ATF7: variants seen among roughly 807,000 people sequenced by gnomAD.
The protein encoded by ATF7 is activating transcription factor 7, also known as cyclic AMP-dependent transcription factor ATF-7.
ATF7 carries 10 observed loss-of-function variants against 50.4 expected under a neutral mutation model. The ratio of observed to expected loss-of-function variants is 0.20; its 90% CI spans 0.12 to 0.34. The LOEUF (loss-of-function observed/expected upper bound fraction) is 0.34, where lower values mean the gene tolerates loss of function less well. ATF7 is among the 10% of genes least tolerant of loss of function. The pLI, the probability that ATF7 is intolerant of heterozygous loss-of-function variation, is 1.00. For missense variants in ATF7, 465 were observed against 613.9 expected (o/e 0.76, Z 2.56); for synonymous variants, 201 against 226.4 (o/e 0.89, Z 1.01).
chr12:53,593,225 C>G (rs1446337031), intron 2 of ATF7, among the ~76,000 whole-genome samples: 1 of 152,094 alleles, frequency 6.6e-6, no homozygotes. Context: ...GGCAGCACAG[C>G]AAGACCCTGT....
At chr12:53,600,827 A>T in intron 2 of ATF7, 126 bp downstream of exon 2, 1 of 903,924 alleles carries the variant, frequency 1.1e-6, no homozygotes, top group Non-Finnish European at 1.7e-6. Flanking sequence ...ACACACTGCA[A>T]ATCCTCTGAT....
chr12:53,608,382 TA>T (rs1360510261), intron 1 of ATF7, among the ~76,000 whole-genome samples: 2 of 152,020 alleles, frequency 1.3e-5, no homozygotes, highest in African/African-American at 4.8e-5. Flanking sequence ...AAAAGGACCA[TA>T]AAAAATTCTA....
Position 53,552,565 on chromosome 12 carries a change from G to A in ATF7, c.121C>T (p.Arg41Ter). The A allele has an allele frequency of 6.2e-7, 1 of 1,613,866 alleles. No homozygotes were observed. Among genetic ancestry groups the A allele is most frequent in the Non-Finnish European group, 8.5e-7 (1 of 1,179,812 alleles). The change falls in exon 3 of 12, where the codon CGA becomes TGA. Residue 41 changes from arginine to a stop codon, truncating the protein, a stop_gained. Coordinates refer to ENST00000420353, the MANE Select transcript of ATF7 (RefSeq NM_006856.3). LOFTEE classifies it high-confidence loss of function. The stretch of plus-strand genomic sequence containing the variant: ...CCTGCAATGATGACTGAGTCAGTTC[G>A]GGCTGGGCCAAATTTCAATGTCATC... ...HEMTLKFGPA[R>*]TDSVIIADQT... is the part of the protein sequence containing the mutation.
chr12:53,606,544 G>A (rs942255884), intron 1 of ATF7, among the ~76,000 whole-genome samples: 1 of 151,966 alleles, frequency 6.6e-6, no homozygotes, highest in African/African-American at 2.4e-5. Context: ...CACTGTGCCT[G>A]GCCTGGCACG....
chr12:53,579,551 CAAAAA>C (rs532383571), intron 2 of ATF7, among the ~76,000 whole-genome samples: 3 of 60,636 alleles, frequency 4.9e-5, no homozygotes, highest in Non-Finnish European at 7.1e-5. Context: ...AACTCCGTCT[CAAAAA>C]AAAAAAAAAA....
At chr12:53,596,087 T>A (rs2137797745) in intron 2 of ATF7, among the ~76,000 whole-genome samples, 1 of 152,138 alleles carries the variant, frequency 6.6e-6, no homozygotes, top group South Asian at 2.1e-4. Flanking sequence ...TCACCTCCAG[T>A]CAGGAGTTCG....
At chr12:53,550,007 C>T (rs958905723) in intron 3 of ATF7, among the ~76,000 whole-genome samples, 7 of 152,072 alleles carry the variant, frequency 4.6e-5, no homozygotes, top group African/African-American at 1.2e-4. Context: ...CGTGAGCCAC[C>T]GCGTCCAGCC....
chr12:53,581,346 T>C (rs1208530673), intron 2 of ATF7, among the ~76,000 whole-genome samples: 1 of 152,042 alleles, frequency 6.6e-6, no homozygotes, highest in East Asian at 1.9e-4. Flanking sequence ...ATCAATCAAC[T>C]GGACATAATT....
intron 1 of ATF7, among the ~76,000 whole-genome samples, chr12:53,624,948 C>T (rs1318338217): frequency 2.0e-5 from 3 of 152,138 alleles, no homozygotes; most frequent in East Asian, 3.8e-4. Flanking sequence ...AGACTGATAT[C>T]GCTACAAGAA....
rs138563473 is a variant in ATF7, at chr12:53,591,551, C to T, written c.48+9402G>A. On this transcript the variant is annotated intron_variant, in intron 2 of 11. Transcript: ENST00000420353. ...GCCTCTGGCATACTTACGAGTATCA[C>T]CCTGATGCCTCTCCCTGTGGCTAAG... is the stretch of plus-strand genomic sequence containing the variant. Among the ~76,000 whole-genome samples, 23 of 152,306 alleles carry T rather than the reference C, an allele frequency of 1.5e-4. No individual in the cohort carries two copies. In the East Asian group the frequency reaches 3.9e-3, roughly 26 times the overall value.
rs59513977 is a variant in ATF7, at chr12:53,542,427, CA to C, written c.264+902del. On this transcript the variant is annotated intron_variant, in intron 4 of 11. Coordinates refer to ENST00000420353, the MANE Select transcript of ATF7 (RefSeq NM_006856.3). ...GGGCAACAGAGCAAGACTCTTGTCTCAAAAAAAAAAAAAGAGAGAGATAGGG... is the reference window on the plus strand; with the variant it reads ...GGGCAACAGAGCAAGACTCTTGTCTCAAAAAAAAAAAAGAGAGAGATAGGG... Among the ~76,000 whole-genome samples the C allele has an allele frequency of 2.9e-3, 390 of 136,232 alleles. 1 individual carries two copies. Among genetic ancestry groups the C allele is most frequent in the African/African-American group, 2.9e-3 (108 of 37,246 alleles). 89.4% of individuals were successfully genotyped at this position (136,232 alleles called of 152,430 possible). A position where few individuals can be genotyped will look rare whatever the true frequency, so the allele number is the denominator to read the frequency against.
intron 2 of ATF7, among the ~76,000 whole-genome samples, chr12:53,554,390 C>G (rs1438528762): frequency 6.6e-6 from 1 of 151,304 alleles, no homozygotes; most frequent in African/African-American, 2.4e-5. Context: ...CTTGGCCTCC[C>G]AAAGTGCTGG....
At chr12:53,523,040 T>C (rs1938218131) in intron 11 of ATF7, 1 of 418,924 alleles carries the variant, frequency 2.4e-6, no homozygotes, top group African/African-American at 2.0e-5. Flanking sequence ...TAACACAAAA[T>C]ATGCACCCGG....
chr12:53,549,408 CT>C (rs1053593148), intron 3 of ATF7, among the ~76,000 whole-genome samples: 45 of 144,106 alleles, frequency 3.1e-4, no homozygotes, highest in African/African-American at 3.5e-4. Flanking sequence ...ATAGCCCTTT[CT>C]TTTTTTTTTT....
intron 2 of ATF7, among the ~76,000 whole-genome samples, chr12:53,559,330 G>GGGATTACAGC (rs1228315713): frequency 6.6e-6 from 1 of 151,626 alleles, no homozygotes; most frequent in Non-Finnish European, 1.5e-5. Context: ...CTTCCAAAGT[G>GGGATTACAGC]CTGGGATTAC....
Position 53,535,652 on chromosome 12 carries a change from G to T in ATF7, c.403-993C>A, listed in dbSNP as rs143485799. 1.1e-4 allele frequency among the ~76,000 whole-genome samples: 16 copies of T among 152,204 alleles called. No individual in the cohort carries two copies. The East Asian group carries it at 3.1e-3, about 29-fold the overall frequency. ...GTACATGTACTATATTTCAATAAAT[G>T]TATTAAAAATAGTACTTCATGAAAG... On this transcript the variant is annotated intron_variant, in intron 5 of 11. Coordinates refer to ENST00000420353, the MANE Select transcript of ATF7 (RefSeq NM_006856.3).
chr12:53,618,676 C>G (rs1944245604), intron 1 of ATF7, among the ~76,000 whole-genome samples: 1 of 151,820 alleles, frequency 6.6e-6, no homozygotes, highest in Non-Finnish European at 1.5e-5. Context: ...ACCATCCTTG[C>G]CAATAAACTA....
At chr12:53,581,117 A>T (rs1178306697) in intron 2 of ATF7, among the ~76,000 whole-genome samples, 1 of 152,026 alleles carries the variant, frequency 6.6e-6, no homozygotes, top group Non-Finnish European at 1.5e-5. Flanking sequence ...ATCTCAAAAA[A>T]AAAAATAAAT....
At chr12:53,619,787 G>A (rs1162399793) in intron 1 of ATF7, among the ~76,000 whole-genome samples, 2 of 151,922 alleles carry the variant, frequency 1.3e-5, no homozygotes. Context: ...ACTCCAGCCT[G>A]GGAGACAGAG....
Sources: allele counts gnomAD v4.1 joint callset (sites outside exome capture counted in the v4.1 genomes callset), GRCh38; gene constraint gnomAD v4.1.1; transcripts MANE v1.5; gene names NCBI Gene and HGNC (gene_info 2026-07-23, HGNC 2026-07-21).